ACOT8: variants seen among roughly 807,000 people sequenced by gnomAD.
ACOT8 encodes acyl-CoA thioesterase 8, also known as acyl-coenzyme A thioesterase 8.
ACOT8 carries 31 observed loss-of-function variants against 38.4 expected under a neutral mutation model. The observed-to-expected ratio is 0.81, with a 90% CI of 0.61 to 1.09. ACOT8 has a LOEUF of 1.09. Ranked by LOEUF, ACOT8 falls within the 50% of genes least tolerant of loss-of-function variation. The pLI is 0.00. For synonymous variants in ACOT8, 158 were observed against 170.3 expected, an observed-to-expected ratio of 0.93 and a Z score of 0.56; for missense variants, 373 against 421.8, an observed-to-expected ratio of 0.88 and a Z score of 1.01.
chr20:45,841,890 G>T lies in ACOT8; in HGVS notation c.908C>A (p.Ala303Asp). ...CTTCACTCGGATCACGCCCTCCTGGGCACAGGTCACAGCTAGGACTCCATC... is the reference window on the plus strand; with the variant it reads ...CTTCACTCGGATCACGCCCTCCTGGTCACAGGTCACAGCTAGGACTCCATC... Reference protein sequence around the residue: ...RQDGVLAVTCAQEGVIRVKPQ... With the variant: ...RQDGVLAVTCDQEGVIRVKPQ... The change falls in exon 6 of 6, where the codon GCC (alanine) becomes GAC (aspartate). Residue 303 changes from alanine to aspartate, a missense_variant. Physicochemically the swap from Ala to Asp is moderately radical, Grantham distance 126. Coordinates refer to ENST00000217455, the MANE Select transcript of ACOT8 (RefSeq NM_005469.4). The T allele has an allele frequency of 6.2e-7, 1 of 1,611,638 alleles. No individual in the cohort carries two copies. The highest frequency in any genetic ancestry group is 8.5e-7 in the Non-Finnish European group (1 of 1,179,496).
At chr20:45,850,864 AAAC>A (rs932092866) in intron 2 of ACOT8, among the ~76,000 whole-genome samples, 8 of 152,124 alleles carry the variant, frequency 5.3e-5, no homozygotes, top group African/African-American at 9.7e-5. Flanking sequence ...CTTGTCTCAA[AAAC>A]AACAAGACCA....
intron 3 of ACOT8, among the ~76,000 whole-genome samples, chr20:45,846,613 G>A (rs575914572): frequency 6.6e-6 from 1 of 152,282 alleles, no homozygotes; most frequent in African/African-American, 2.4e-5. Context: ...CAGCTAAGAA[G>A]TAGGCAGGGC....
intron 2 of ACOT8, among the ~76,000 whole-genome samples, chr20:45,849,429 G>A (rs1212799365): frequency 6.6e-6 from 1 of 151,424 alleles, no homozygotes; most frequent in East Asian, 1.9e-4. Flanking sequence ...GGGACTACAG[G>A]GGTGCATGAC....
intron 2 of ACOT8, among the ~76,000 whole-genome samples, chr20:45,852,920 C>T (rs1034486077): frequency 3.9e-5 from 6 of 152,250 alleles, no homozygotes; most frequent in Admixed American, 6.5e-5. Context: ...AGGCACATGC[C>T]GCCATGCCTG....
At chr20:45,847,046 A>G (rs1984729644) in intron 3 of ACOT8, among the ~76,000 whole-genome samples, 1 of 152,006 alleles carries the variant, frequency 6.6e-6, no homozygotes, top group Non-Finnish European at 1.5e-5. Flanking sequence ...GGTCTCTACT[A>G]AAAAAATACA....
intron 5 of ACOT8, chr20:45,842,515 G>A (rs1984293130): frequency 2.0e-6 from 2 of 1,015,484 alleles, no homozygotes; most frequent in South Asian, 4.0e-5. Flanking sequence ...GGGGAAGAAA[G>A]GACTCAGAAG....
intron 5 of ACOT8, 144 bp from the exon 6 acceptor site, chr20:45,842,100 T>C: frequency 1.3e-6 from 2 of 1,536,208 alleles, no homozygotes; most frequent in Admixed American, 2.0e-5. Context: ...CTCAGCCTCC[T>C]GAGCAGCTGG....
intron 2 of ACOT8, among the ~76,000 whole-genome samples, chr20:45,854,502 C>T (rs1034070803): frequency 3.3e-5 from 5 of 152,218 alleles, no homozygotes; most frequent in African/African-American, 1.2e-4. Context: ...AGCCACCGCG[C>T]CCGGCCTCAC....
At chr20:45,848,412 T>C (rs370196931) in intron 3 of ACOT8, 38 bp downstream of exon 3, 1 of 1,507,792 alleles carries the variant, frequency 6.6e-7, no homozygotes, top group Non-Finnish European at 8.9e-7. Context: ...AGCAGCTGCA[T>C]TTTGAAAAGT....
At chr20:45,853,988 G>A (rs1305699237) in intron 2 of ACOT8, 4 of 1,302,402 alleles carry the variant, frequency 3.1e-6, no homozygotes, top group South Asian at 1.2e-5. Context: ...ATCTGCTCTG[G>A]GGGTAACAGG....
chr20:45,857,379 C>G lies in ACOT8; in HGVS notation c.-64G>C, dbSNP rs2145782040. The G allele has an allele frequency of 2.6e-6, 4 of 1,521,648 alleles. No individual in the cohort carries two copies. Among genetic ancestry groups the G allele is most frequent in the African/African-American group, 1.4e-5 (1 of 72,486 alleles). 94.3% of individuals were successfully genotyped at this position (1,521,648 alleles called of 1,614,324 possible). ...GAAGACGCGGAGACATACACAGAAC[C>G]TGACTCTTCCGGCAGATTGCCCTAG... On this transcript the variant is annotated 5_prime_UTR_variant, in exon 1 of 6. Transcript: ENST00000217455.
chr20:45,842,707 C>G (rs1984325254), intron 5 of ACOT8: 1 of 988,970 alleles, frequency 1.0e-6, no homozygotes, highest in Non-Finnish European at 1.2e-6. Flanking sequence ...GTCCAGTTTT[C>G]CAGACCAGGA....
rs771368576 is a variant in ACOT8, at chr20:45,843,738, T to C, written c.647-17A>G. 20 of 1,604,772 alleles carry C rather than the reference T, an allele frequency of 1.2e-5. No homozygotes were observed. The highest frequency in any genetic ancestry group is 1.6e-5 in the Non-Finnish European group (19 of 1,173,056). ...CGCCCTCGCCTGCAACAGGTCCCCA[T>C]CAGCCCTGGGCTCCTGGGCTTTCCA... On this transcript the variant is annotated splice_polypyrimidine_tract_variant and intron_variant, in intron 4 of 5. Transcript: ENST00000217455.
chr20:45,853,893 C>G (rs772257443), intron 2 of ACOT8: 2 of 1,293,084 alleles, frequency 1.5e-6, no homozygotes, highest in South Asian at 2.5e-5. Flanking sequence ...AGGGGGAAAC[C>G]CCATGGTTTT....
In ACOT8 at chr20:45,844,415, G is replaced by C; in HGVS notation, c.494C>G (p.Pro165Arg). 1 of 1,613,908 alleles carries C rather than the reference G, an allele frequency of 6.2e-7. No homozygotes were observed. ...CAATGGGTACCTCTTTTGGAGGTTA[G>C]GGTCCCTGAAAGTAAAGGGAAGAGG... Reference protein sequence around the residue: ...ETLIDQYLRDPNLQKRYPLAL... With the variant: ...ETLIDQYLRDRNLQKRYPLAL... The change falls in exon 4 of 6, where the codon CCT becomes CGT. Residue 165 changes from proline (P) to arginine (R), a missense_variant. By Grantham distance (103) the Pro-to-Arg change is moderately radical (BLOSUM62 -2). Coordinates refer to ENST00000217455, the MANE Select transcript of ACOT8 (RefSeq NM_005469.4).
At chr20:45,844,115 G>T in intron 4 of ACOT8, 148 bp downstream of exon 4, 1 of 1,113,676 alleles carries the variant, frequency 9.0e-7, no homozygotes, top group Non-Finnish European at 1.3e-6. Context: ...GGGCTGAGAG[G>T]GCCCAGGTGA....
rs1327414260 is a variant in ACOT8 at position 45,841,785 on chromosome 20, A to C, written c.*53T>G. 3.3e-6 allele frequency: 5 copies of C among 1,527,194 alleles called. No homozygotes were observed. The highest frequency in any genetic ancestry group is 2.3e-5 in the East Asian group (1 of 43,694). 94.6% of individuals were successfully genotyped at this position (1,527,194 alleles called of 1,614,324 possible). On this transcript the variant is annotated 3_prime_UTR_variant, in exon 6 of 6. Coordinates refer to ENST00000217455, the MANE Select transcript of ACOT8 (RefSeq NM_005469.4). ...AAGGGACTGTAACTCCTGTCTCAGG[A>C]ATGGGGATAGATGGGAGGTTCTTGA...
Position 45,855,334 on chromosome 20 carries a change from G to A in ACOT8, c.129-42C>T, listed in dbSNP as rs367738311. The stretch of plus-strand genomic sequence containing the variant: ...AAAGAGGGAAAGACTTGGGAACTGG[G>A]CCAAATTCTACTACCCTCACTAAGA... On this transcript the variant is annotated intron_variant, in intron 1 of 5. Transcript: ENST00000217455. The A allele has an allele frequency of 5.0e-6, 8 of 1,609,918 alleles. No homozygotes were observed. In the East Asian group the frequency reaches 1.3e-4, roughly 27 times the overall value.
chr20:45,857,340 A>T lies in ACOT8; in HGVS notation c.-25T>A, dbSNP rs1336044629. ...TCTAGTTCAATGCTGCAGGCCCTGC[A>T]CACCCGCTCCGCGGAAGACGCGGAG... On this transcript the variant is annotated 5_prime_UTR_variant, in exon 1 of 6. It introduces an in-frame stop codon into an upstream open reading frame of the 5' UTR. Coordinates refer to ENST00000217455, the MANE Select transcript of ACOT8 (RefSeq NM_005469.4). The T allele has an allele frequency of 7.6e-6, 12 of 1,579,492 alleles. No homozygotes were observed. The highest frequency in any genetic ancestry group is 1.0e-5 in the Non-Finnish European group (12 of 1,164,098).
Sources: allele counts gnomAD v4.1 joint callset (sites outside exome capture counted in the v4.1 genomes callset), GRCh38; gene constraint gnomAD v4.1.1; transcripts MANE v1.5; gene names NCBI Gene and HGNC (gene_info 2026-07-23, HGNC 2026-07-21).